Variants in STXBP5L observed in about 807,000 individuals in gnomAD.
STXBP5L encodes syntaxin-binding protein 5-like.
Under a neutral mutation model 144.5 loss-of-function variants are expected in STXBP5L, and 65 were observed. The observed-to-expected ratio is 0.45, with a 90% CI of 0.37 to 0.55. STXBP5L has a LOEUF of 0.55. STXBP5L is among the 20% of genes least tolerant of loss of function. The pLI is 0.00. For missense variants in STXBP5L, 1,298 were observed against 1,405.5 expected (o/e 0.92, Z 1.22); for synonymous variants, 505 against 469.6 (o/e 1.08, Z -0.97).
At chr3:121,213,106 T>G (rs1367199250) in intron 10 of STXBP5L, among the ~76,000 whole-genome samples, 4 of 152,344 alleles carry the variant, frequency 2.6e-5, no homozygotes, top group Middle Eastern at 6.8e-3. Flanking sequence ...TAAGGAGATT[T>G]TGGGCTGAGA....
At chr3:121,190,612 A>C (rs2047607475) in intron 9 of STXBP5L, among the ~76,000 whole-genome samples, 1 of 151,650 alleles carries the variant, frequency 6.6e-6, no homozygotes, top group South Asian at 2.1e-4. Flanking sequence ...GGGGCTCCTC[A>C]CTTCCCAGAC....
At chr3:120,952,104 A>T (rs1208197870) in intron 2 of STXBP5L, among the ~76,000 whole-genome samples, 3 of 147,852 alleles carry the variant, frequency 2.0e-5, no homozygotes, top group African/African-American at 7.5e-5. Context: ...GAATTGAACA[A>T]TGAGAACACA....
At chr3:121,282,208 CTT>C (rs547968676) in intron 19 of STXBP5L, 1 of 1,549,502 alleles carries the variant, frequency 6.5e-7, no homozygotes, top group Non-Finnish European at 8.9e-7. Context: ...TCACTTTAGA[CTT>C]TTTTTTCTCT....
intron 5 of STXBP5L, among the ~76,000 whole-genome samples, chr3:121,069,751 T>C (rs1052840549): frequency 1.3e-5 from 2 of 152,182 alleles, no homozygotes; most frequent in African/African-American, 2.4e-5. Flanking sequence ...TTATAACTCA[T>C]TTTGAGCTAT....
At chr3:121,140,600 C>A (rs1292271146) in intron 7 of STXBP5L, among the ~76,000 whole-genome samples, 1 of 152,050 alleles carries the variant, frequency 6.6e-6, no homozygotes, top group African/African-American at 2.4e-5. Flanking sequence ...CATGGATGAA[C>A]CTGGAGGACC....
chr3:120,968,025 G>A (rs1939804179), intron 3 of STXBP5L, among the ~76,000 whole-genome samples: 2 of 152,100 alleles, frequency 1.3e-5, no homozygotes. Flanking sequence ...CTAACATATG[G>A]TCTGTCCTAG....
Position 121,093,646 on chromosome 3 carries a change from A to G in STXBP5L, c.471-21279A>G, listed in dbSNP as rs944218627. Among the ~76,000 whole-genome samples the G allele has an allele frequency of 6.6e-5, 10 of 151,764 alleles. No homozygotes were observed. The South Asian group carries it at 8.3e-4, about 13-fold the overall frequency. On this transcript the variant is annotated intron_variant, in intron 5 of 26. Transcript: ENST00000471454. ...CCCTTTATCATTTTTTCTTGCTTCT[A>G]TTTGATTCTTCTCTCTTTTTTTCTT...
intron 9 of STXBP5L, among the ~76,000 whole-genome samples, chr3:121,162,764 T>A (rs971215172): frequency 2.0e-5 from 3 of 152,080 alleles, no homozygotes; most frequent in Non-Finnish European, 2.9e-5. Context: ...AGGCAAAGAA[T>A]ATGAACAGAC....
intron 3 of STXBP5L, among the ~76,000 whole-genome samples, chr3:120,973,776 G>A (rs1030767517): frequency 2.0e-5 from 3 of 148,138 alleles, no homozygotes; most frequent in Non-Finnish European, 4.4e-5. Flanking sequence ...TCCCACCTAT[G>A]AGTGAGAACA....
chr3:121,015,714 C>T (rs1945097069), intron 3 of STXBP5L, among the ~76,000 whole-genome samples: 1 of 152,072 alleles, frequency 6.6e-6, no homozygotes, highest in Non-Finnish European at 1.5e-5. Context: ...TCAGAGCATT[C>T]TCCCTAACAA....
intron 19 of STXBP5L, among the ~76,000 whole-genome samples, chr3:121,294,645 A>AAG (rs1473684203): frequency 1.3e-5 from 2 of 152,052 alleles, no homozygotes; most frequent in Admixed American, 6.6e-5. Flanking sequence ...AAGAGAAAGC[A>AAG]AGAGAGAGAG....
In STXBP5L at chr3:121,342,518, C is replaced by T. The variant is rs930328167; in HGVS notation, c.2176+23978C>T. ...CCCCCTCCCCCCACCCCACAACGGT[C>T]CCCAGAGTGTGATGTTCCCCTTCCT... On this transcript the variant is annotated intron_variant, in intron 20 of 26. Transcript: ENST00000471454. 2.2e-5 allele frequency among the ~76,000 whole-genome samples: 3 copies of T among 136,920 alleles called. No individual in the cohort carries two copies. In the Admixed American group the frequency reaches 2.4e-4, roughly 11 times the overall value. The allele number at this position is 136,920 out of a possible 152,430, so 89.8% of individuals were successfully genotyped here.
intron 10 of STXBP5L, among the ~76,000 whole-genome samples, chr3:121,209,449 A>C (rs2048468669): frequency 6.6e-6 from 1 of 151,992 alleles, no homozygotes; most frequent in African/African-American, 2.4e-5. Flanking sequence ...TTTTATTATT[A>C]TACTTTAAGT....
chr3:121,294,756 A>C (rs1389636654), intron 19 of STXBP5L, among the ~76,000 whole-genome samples: 1 of 152,182 alleles, frequency 6.6e-6, no homozygotes, highest in South Asian at 2.1e-4. Context: ...GAAGAGAAAA[A>C]GGAAAAGACC....
intron 16 of STXBP5L, among the ~76,000 whole-genome samples, chr3:121,256,300 A>T (rs1253528513): frequency 6.6e-6 from 1 of 152,026 alleles, no homozygotes; most frequent in Non-Finnish European, 1.5e-5. Context: ...AATTATGACA[A>T]TAATTTTGGT....
chr3:121,285,659 C>T (rs903512663), intron 19 of STXBP5L, among the ~76,000 whole-genome samples: 10 of 151,960 alleles, frequency 6.6e-5, no homozygotes, highest in Admixed American at 1.3e-4. Context: ...AGCAGAAAAA[C>T]GCTTTGAAAA....
intron 5 of STXBP5L, among the ~76,000 whole-genome samples, chr3:121,096,682 G>A (rs570181857): frequency 1.1e-4 from 16 of 151,074 alleles, no homozygotes; most frequent in Non-Finnish European, 1.9e-4. Context: ...GCATAACAGC[G>A]AAAGAAAAAA....
chr3:120,969,079 A>G (rs1939936879), intron 3 of STXBP5L, among the ~76,000 whole-genome samples: 1 of 152,152 alleles, frequency 6.6e-6, no homozygotes, highest in Non-Finnish European at 1.5e-5. Flanking sequence ...GCTAGATCAA[A>G]TGGTAATTTT....
intron 20 of STXBP5L, among the ~76,000 whole-genome samples, chr3:121,348,281 C>T (rs1394912071): frequency 6.6e-6 from 1 of 152,112 alleles, no homozygotes; most frequent in Non-Finnish European, 1.5e-5. Flanking sequence ...ATATGTTGAA[C>T]CAGCCTTGCG....
Sources: gnomAD v4.1 joint callset for allele counts (sites outside exome capture counted in the v4.1 genomes callset) on GRCh38, gnomAD v4.1.1 for gene constraint, MANE v1.5 for transcripts, NCBI Gene and HGNC (gene_info 2026-07-23, HGNC 2026-07-21) for gene names.